The following PLPPR1 variants were observed in gnomAD, a reference collection of about 807,000 sequenced individuals.
PLPPR1 encodes the protein phospholipid phosphatase related 1, also known as phospholipid phosphatase-related protein type 1.
Under a neutral mutation model 33.1 loss-of-function variants are expected in PLPPR1, and 10 were observed. That is an observed-to-expected ratio of 0.30 (90% CI 0.19 to 0.51). PLPPR1 has a LOEUF of 0.51. Among genes scored for constraint, PLPPR1 ranks in the 20% least tolerant of loss-of-function variants. The probability of loss-of-function intolerance (pLI) is 0.97; values close to 1 mark genes in which losing one functional copy is unlikely to be tolerated. For synonymous variants in PLPPR1, 151 were observed against 151.0 expected (o/e 1.00, Z 0.00); for missense variants, 304 against 408.1 (o/e 0.74, Z 2.20).
intron 4 of PLPPR1, among the ~76,000 whole-genome samples, chr9:101,307,428 C>A (rs1450307966): frequency 1.3e-5 from 2 of 152,196 alleles, no homozygotes; most frequent in African/African-American, 2.4e-5. Context: ...GACCCAGCAA[C>A]CTGGTCTTTG....
chr9:101,246,256 C>T (rs1297273352), intron 2 of PLPPR1, among the ~76,000 whole-genome samples: 1 of 151,488 alleles, frequency 6.6e-6, no homozygotes, highest in Non-Finnish European at 1.5e-5. Context: ...TTCTTACCCA[C>T]CCTAAGAAAG....
chr9:101,179,431 C>T (rs556433949), intron 1 of PLPPR1, among the ~76,000 whole-genome samples: 1 of 152,276 alleles, frequency 6.6e-6, no homozygotes, highest in Admixed American at 6.5e-5. Flanking sequence ...AGTATTTCCT[C>T]CTTCTTTTGT....
intron 3 of PLPPR1, among the ~76,000 whole-genome samples, chr9:101,280,471 C>T (rs1381010686): frequency 1.3e-5 from 2 of 151,972 alleles, no homozygotes; most frequent in African/African-American, 2.4e-5. Flanking sequence ...CAAAACCAGA[C>T]AAAGACACAT....
chr9:101,301,538 T>A (rs1828752692), intron 4 of PLPPR1, among the ~76,000 whole-genome samples: 1 of 152,200 alleles, frequency 6.6e-6, no homozygotes, highest in Admixed American at 6.5e-5. Context: ...TCTTATGATT[T>A]CAACCATCTG....
intron 2 of PLPPR1, among the ~76,000 whole-genome samples, chr9:101,188,954 A>C (rs1261925526): frequency 6.6e-6 from 1 of 151,882 alleles, no homozygotes; most frequent in Non-Finnish European, 1.5e-5. Flanking sequence ...TTTGCTTACT[A>C]TTCCTCTCCT....
chr9:101,274,645 T>C (rs74856347), intron 3 of PLPPR1, among the ~76,000 whole-genome samples: 12,053 of 151,976 alleles, frequency 0.079, 926 homozygotes, highest in African/African-American at 0.21. Context: ...GAACAAGGAG[T>C]TGCATTCACT....
intron 1 of PLPPR1, among the ~76,000 whole-genome samples, chr9:101,093,187 T>A (rs1446602863): frequency 6.6e-6 from 1 of 152,186 alleles, no homozygotes; most frequent in Non-Finnish European, 1.5e-5. Context: ...AATAGCACTT[T>A]CATCTAAATT....
At chr9:101,163,509 G>A (rs1314392012) in intron 1 of PLPPR1, among the ~76,000 whole-genome samples, 1 of 152,126 alleles carries the variant, frequency 6.6e-6, no homozygotes, top group East Asian at 1.9e-4. Context: ...TGTTGAACAG[G>A]TGCTTTTTCA....
intron 2 of PLPPR1, among the ~76,000 whole-genome samples, chr9:101,232,533 G>A (rs1827211983): frequency 6.6e-6 from 1 of 151,356 alleles, no homozygotes; most frequent in Middle Eastern, 3.2e-3. Flanking sequence ...GGGTTAAAGA[G>A]TAACAAGCAA....
At chr9:101,050,554 T>C (rs73656430) in intron 1 of PLPPR1, among the ~76,000 whole-genome samples, 4,544 of 152,272 alleles carry the variant, frequency 0.03, 117 homozygotes, top group East Asian at 0.081. Flanking sequence ...AAGCCAAGTG[T>C]GAAGAGACAG....
At chr9:101,130,724 A>G (rs182425845) in intron 1 of PLPPR1, among the ~76,000 whole-genome samples, 21 of 152,322 alleles carry the variant, frequency 1.4e-4, no homozygotes, top group Admixed American at 9.8e-4. Context: ...TCCATTCTCC[A>G]TCACTTGTGC....
chr9:101,291,152 G>A (rs571781428), intron 4 of PLPPR1, among the ~76,000 whole-genome samples: 73 of 152,228 alleles, frequency 4.8e-4, no homozygotes, highest in Admixed American at 2.5e-3. Flanking sequence ...CACATGGCTC[G>A]GAGGGTCCTA....
At chr9:101,312,516 G>A (rs1479984582) in intron 5 of PLPPR1, among the ~76,000 whole-genome samples, 6 of 152,086 alleles carry the variant, frequency 3.9e-5, no homozygotes, top group African/African-American at 9.7e-5. Flanking sequence ...GAATCTAATC[G>A]TTAATGCGTT....
intron 2 of PLPPR1, among the ~76,000 whole-genome samples, chr9:101,265,434 T>C (rs1436189576): frequency 6.6e-6 from 1 of 152,030 alleles, no homozygotes; most frequent in Non-Finnish European, 1.5e-5. Context: ...CATCTGCTCA[T>C]GTGACACCAA....
chr9:101,146,928 G>A (rs1455691785), intron 1 of PLPPR1, among the ~76,000 whole-genome samples: 18 of 152,180 alleles, frequency 1.2e-4, no homozygotes, highest in Non-Finnish European at 1.5e-5. Flanking sequence ...TTCTGTTTCT[G>A]ATTTATGCTG....
intron 1 of PLPPR1, among the ~76,000 whole-genome samples, chr9:101,086,800 G>C (rs755976576): frequency 6.6e-6 from 1 of 152,100 alleles, no homozygotes; most frequent in Non-Finnish European, 1.5e-5. Flanking sequence ...TACCAGCACA[G>C]AAAACTCTAT....
intron 2 of PLPPR1, among the ~76,000 whole-genome samples, chr9:101,203,358 G>C (rs1013047915): frequency 4.0e-5 from 6 of 151,490 alleles, no homozygotes; most frequent in African/African-American, 1.2e-4. Context: ...AGAGACCTTA[G>C]GGGGGGAAAA....
intron 4 of PLPPR1, among the ~76,000 whole-genome samples, chr9:101,290,456 G>A (rs758890675): frequency 2.6e-5 from 4 of 152,148 alleles, no homozygotes; most frequent in African/African-American, 2.4e-5. Flanking sequence ...GCTTTATGCT[G>A]TAAAAGATGA....
intron 1 of PLPPR1, among the ~76,000 whole-genome samples, chr9:101,160,376 C>A (rs973955609): frequency 6.6e-6 from 1 of 152,192 alleles, no homozygotes; most frequent in Admixed American, 6.5e-5. Context: ...TGATGTAACT[C>A]TGCCTGGCAG....
Sources: allele counts gnomAD v4.1 joint callset (sites outside exome capture counted in the v4.1 genomes callset), GRCh38; gene constraint gnomAD v4.1.1; transcripts MANE v1.5; gene names NCBI Gene and HGNC (gene_info 2026-07-23, HGNC 2026-07-21).